Variants in RBMS3 observed in about 807,000 individuals in gnomAD.
RBMS3 encodes the protein RNA binding motif single stranded interacting protein 3.
A neutral mutation model predicts 66.8 loss-of-function variants in RBMS3; 27 were observed. The observed-to-expected ratio is 0.40, with a 90% CI of 0.30 to 0.56. The LOEUF (loss-of-function observed/expected upper bound fraction) is 0.56. Ranked by LOEUF, RBMS3 falls within the 20% of genes least tolerant of loss-of-function variation. The probability of loss-of-function intolerance (pLI) is 0.40; values close to 1 mark genes in which losing one functional copy is unlikely to be tolerated. For missense variants in RBMS3, 513 were observed against 549.5 expected (o/e 0.93, Z 0.66); for synonymous variants, 188 against 183.0 (o/e 1.03, Z -0.22).
intron 4 of RBMS3, among the ~76,000 whole-genome samples, chr3:29,666,193 C>T (rs2050749473): frequency 6.6e-6 from 1 of 152,202 alleles, no homozygotes; most frequent in Non-Finnish European, 1.5e-5. Context: ...ACCACCCTGA[C>T]CATCCTATGG....
At chr3:29,311,945 G>A (rs1394857055) in intron 1 of RBMS3, among the ~76,000 whole-genome samples, 4 of 151,816 alleles carry the variant, frequency 2.6e-5, no homozygotes, top group African/African-American at 9.7e-5. Flanking sequence ...GCTTGAGTTG[G>A]ATCAGAGATT....
chr3:30,003,877 T>A lies in RBMS3; in HGVS notation c.*15T>A, dbSNP rs773134845. 2.8e-6 allele frequency: 4 copies of A among 1,450,164 alleles called. No individual in the cohort carries two copies. The highest frequency in any genetic ancestry group is 2.7e-6 in the Non-Finnish European group (3 of 1,095,226). 89.8% of individuals were successfully genotyped at this position (1,450,164 alleles called of 1,614,324 possible). ...ACAGACCATAAACAGGACTGAAGAA[T>A]GTCTGTCTGAATCTTTGCCTTGAAT... On this transcript the variant is annotated 3_prime_UTR_variant, in exon 15 of 15. Coordinates refer to ENST00000383767, the MANE Select transcript of RBMS3 (RefSeq NM_001003793.3).
chr3:29,701,936 G>A (rs763525988), intron 4 of RBMS3, among the ~76,000 whole-genome samples: 138 of 152,282 alleles, frequency 9.1e-4, no homozygotes, highest in Admixed American at 5.3e-3. Context: ...CCCTCGGTGT[G>A]GGACTGGTGG....
intron 6 of RBMS3, among the ~76,000 whole-genome samples, chr3:29,855,998 T>A (rs997276368): frequency 6.6e-6 from 1 of 152,194 alleles, no homozygotes; most frequent in Non-Finnish European, 1.5e-5. Flanking sequence ...AGCTGAGGTG[T>A]TCCACAGATA....
chr3:29,632,644 C>T (rs1052831532), intron 4 of RBMS3, among the ~76,000 whole-genome samples: 3 of 151,660 alleles, frequency 2.0e-5, no homozygotes, highest in Non-Finnish European at 4.4e-5. Flanking sequence ...TTGTAAATAG[C>T]ATTTTGTGAT....
rs1275563633 is a variant in RBMS3 at position 30,008,488 on chromosome 3, A to G, written c.*4626A>G. The G allele has an allele frequency of 6.6e-6, 1 of 152,054 alleles. No individual in the cohort carries two copies. The highest frequency in any genetic ancestry group is 1.5e-5 in the Non-Finnish European group (1 of 67,974). 9.4% of individuals were successfully genotyped at this position (152,054 alleles called of 1,614,324 possible). ...AGCTTAAACCTGTCATAGAACCTTG[A>G]TCTATATTACTTTGTCTTCAGTAAA... On this transcript the variant is annotated 3_prime_UTR_variant, in exon 15 of 15. Coordinates refer to ENST00000383767, the MANE Select transcript of RBMS3 (RefSeq NM_001003793.3).
At chr3:29,807,728 G>T (rs139186457) in intron 6 of RBMS3, among the ~76,000 whole-genome samples, 2 of 133,160 alleles carry the variant, frequency 1.5e-5, no homozygotes, top group East Asian at 2.2e-4. Flanking sequence ...TAGATCATGA[G>T]ATGAAGCTCA....
At chr3:29,699,711 T>G (rs972847708) in intron 4 of RBMS3, among the ~76,000 whole-genome samples, 10 of 152,208 alleles carry the variant, frequency 6.6e-5, no homozygotes, top group Non-Finnish European at 1.3e-4. Flanking sequence ...AATATTATAA[T>G]TAACCACTTA....
At chr3:29,908,256 A>C (rs1411795590) in intron 10 of RBMS3, among the ~76,000 whole-genome samples, 3 of 151,512 alleles carry the variant, frequency 2.0e-5, no homozygotes, top group African/African-American at 7.3e-5. Context: ...GTCTCAAAAA[A>C]AAAAACAAAC....
chr3:29,878,904 T>C (rs2059672625), intron 7 of RBMS3, among the ~76,000 whole-genome samples: 1 of 151,978 alleles, frequency 6.6e-6, no homozygotes, highest in African/African-American at 2.4e-5. Context: ...TAAAATTAGC[T>C]GGGCTTAATG....
intron 1 of RBMS3, among the ~76,000 whole-genome samples, chr3:29,402,814 A>G (rs940673583): frequency 1.3e-5 from 2 of 152,066 alleles, no homozygotes; most frequent in African/African-American, 4.8e-5. Flanking sequence ...ACATCATATA[A>G]TACTGAAGCT....
chr3:29,646,060 T>C (rs72846036), intron 4 of RBMS3, among the ~76,000 whole-genome samples: 6,267 of 152,350 alleles, frequency 0.041, 175 homozygotes, highest in Admixed American at 0.092. Context: ...ATGTTCCCTT[T>C]AATCTATGCT....
At position 29,361,568 on chromosome 3, in the gene RBMS3, G is replaced by A. The variant is rs1001030490; in HGVS notation, c.76-73175G>A. 2.0e-5 allele frequency among the ~76,000 whole-genome samples: 3 copies of A among 152,138 alleles called. No homozygotes were observed. In the South Asian group the frequency reaches 6.2e-4, roughly 31 times the overall value. On this transcript the variant is annotated intron_variant, in intron 1 of 14. Transcript: ENST00000383767. ...GAGGAGTATCTTTGTGGCATTCTCTGTATCTCCTGAATTTGAATGTTGGCC... is the reference window on the plus strand; with the variant it reads ...GAGGAGTATCTTTGTGGCATTCTCTATATCTCCTGAATTTGAATGTTGGCC...
chr3:29,921,087 A>C (rs2060765720), intron 10 of RBMS3, among the ~76,000 whole-genome samples: 1 of 151,972 alleles, frequency 6.6e-6, no homozygotes, highest in Non-Finnish European at 1.5e-5. Flanking sequence ...TTTGAGATGG[A>C]GTTTCACTCT....
intron 12 of RBMS3, among the ~76,000 whole-genome samples, chr3:29,960,400 C>A (rs1396931389): frequency 6.6e-6 from 1 of 152,210 alleles, no homozygotes; most frequent in East Asian, 1.9e-4. Context: ...CTCCCAATTG[C>A]TTTCACAGGC....
intron 2 of RBMS3, among the ~76,000 whole-genome samples, chr3:29,482,976 G>A (rs909556655): frequency 4.6e-5 from 7 of 151,588 alleles, no homozygotes; most frequent in Admixed American, 4.6e-4. Flanking sequence ...AAAGTACTGG[G>A]ATTACAGACG....
At chr3:29,599,002 G>T (rs1419988241) in intron 4 of RBMS3, among the ~76,000 whole-genome samples, 6 of 151,938 alleles carry the variant, frequency 3.9e-5, no homozygotes, top group Non-Finnish European at 8.8e-5. Context: ...TTCCATATTG[G>T]TGATAGTCGG....
intron 1 of RBMS3, among the ~76,000 whole-genome samples, chr3:29,367,831 G>A (rs902402085): frequency 2.0e-5 from 3 of 151,938 alleles, no homozygotes; most frequent in Non-Finnish European, 2.9e-5. Context: ...TCTACAACTC[G>A]ATTATTACTA....
intron 3 of RBMS3, among the ~76,000 whole-genome samples, chr3:29,514,739 T>TGATAGGCATATATATATAAGCATATATAC (rs2044553901): frequency 6.8e-6 from 1 of 146,202 alleles, no homozygotes; most frequent in Admixed American, 6.9e-5. Flanking sequence ...CATATATATA[T>TGATAGGCATATATATATAAGCATATATAC]GATAGGCATA....
Sources: allele counts gnomAD v4.1 joint callset (sites outside exome capture counted in the v4.1 genomes callset), GRCh38; gene constraint gnomAD v4.1.1; transcripts MANE v1.5; gene names NCBI Gene and HGNC (gene_info 2026-07-23, HGNC 2026-07-21).